LPCAT2: variants seen among roughly 807,000 people sequenced by gnomAD.
The protein encoded by LPCAT2 is lysophosphatidylcholine acyltransferase 2.
In LPCAT2, 58 loss-of-function variants were observed where a neutral mutation model predicts 64.7. That is an observed-to-expected ratio of 0.90 (90% CI 0.73 to 1.12). LPCAT2 has a LOEUF of 1.12. Ranked by LOEUF, LPCAT2 falls within the 50% of genes most tolerant of loss-of-function variation. The pLI is 0.00. For synonymous variants in LPCAT2, 252 were observed against 245.3 expected, an observed-to-expected ratio of 1.03 and a Z score of -0.26; for missense variants, 579 against 669.8, an observed-to-expected ratio of 0.86 and a Z score of 1.50.
At chr16:55,519,176 G>A (rs1555495097) in intron 1 of LPCAT2, among the ~76,000 whole-genome samples, 1 of 152,052 alleles carries the variant, frequency 6.6e-6, no homozygotes, top group Non-Finnish European at 1.5e-5. Context: ...GATAAGAATG[G>A]AGGGAATTTG....
At position 55,531,948 on chromosome 16, in the gene LPCAT2, G is replaced by A. The variant is rs554645601; in HGVS notation, c.677G>A (p.Arg226His). The A allele has an allele frequency of 1.2e-5, 19 of 1,589,740 alleles. No homozygotes were observed. The highest frequency in any genetic ancestry group is 6.7e-5 in the African/African-American group (5 of 74,460). Residue 226 changes from arginine to histidine, a missense_variant, in exon 5 of 14, where the codon CGT becomes CAT. By Grantham distance (29) the Arg-to-His change is conservative. Transcript: ENST00000262134. ...TTCCCAGAAGGTACTTGTACTAATC[G>A]TTCCTGTTTGATTACTTTTAAACCA... ...LVFPEGTCTNRSCLITFKPGA... is the reference protein window; with the variant it reads ...LVFPEGTCTNHSCLITFKPGA...
intron 1 of LPCAT2, among the ~76,000 whole-genome samples, chr16:55,518,722 C>T (rs1426604188): frequency 6.6e-6 from 1 of 152,162 alleles, no homozygotes; most frequent in African/African-American, 2.4e-5. Context: ...ATTGGATTGA[C>T]ATGTGCAGGA....
chr16:55,545,925 C>T, intron 9 of LPCAT2, 108 bp downstream of exon 9: 1 of 713,342 alleles, frequency 1.4e-6, no homozygotes, highest in Non-Finnish European at 2.4e-6. Context: ...GCCTCGTTCC[C>T]CAATTCATTT....
chr16:55,550,756 A>C (rs8055017), intron 10 of LPCAT2, among the ~76,000 whole-genome samples, 193 bp from the exon 11 acceptor site: 10,494 of 152,266 alleles, frequency 0.069, 484 homozygotes, highest in African/African-American at 0.12. Flanking sequence ...TCTCCTAAAA[A>C]ATACAAAATA....
At chr16:55,551,191 G>A (rs1434032435) in intron 11 of LPCAT2, 89 bp downstream of exon 11, 5 of 1,237,152 alleles carry the variant, frequency 4.0e-6, no homozygotes, top group East Asian at 4.8e-5. Context: ...AAACTTGATA[G>A]GTCAGTGTTA....
intron 8 of LPCAT2, chr16:55,541,890 C>T: frequency 7.8e-7 from 1 of 1,287,286 alleles, no homozygotes; most frequent in Non-Finnish European, 1.0e-6. Flanking sequence ...AAAATATCTT[C>T]CTTCTTTTGC....
At chr16:55,518,882 G>A (rs567046508) in intron 1 of LPCAT2, among the ~76,000 whole-genome samples, 72 of 151,682 alleles carry the variant, frequency 4.7e-4, no homozygotes, top group African/African-American at 1.7e-3. Flanking sequence ...TGGTTTTCTA[G>A]ACATACAACG....
chr16:55,566,710 A>C, intron 11 of LPCAT2: 2 of 1,547,940 alleles, frequency 1.3e-6, no homozygotes, highest in Non-Finnish European at 1.7e-6. Context: ...ATCTTTTTTC[A>C]TACCATCTCT....
chr16:55,550,914 T>C, intron 10 of LPCAT2, 35 bp from the exon 11 acceptor site: 2 of 1,502,082 alleles, frequency 1.3e-6, no homozygotes, highest in Non-Finnish European at 1.8e-6. Flanking sequence ...TGTAAAGGGC[T>C]AATAACATGT....
intron 1 of LPCAT2, among the ~76,000 whole-genome samples, chr16:55,523,181 A>G (rs1963122178): frequency 6.6e-6 from 1 of 151,796 alleles, no homozygotes; most frequent in Admixed American, 6.6e-5. Context: ...AGGAATGACC[A>G]ATAAGTATAT....
intron 2 of LPCAT2, among the ~76,000 whole-genome samples, chr16:55,526,920 C>T (rs2142398639): frequency 6.6e-6 from 1 of 152,256 alleles, no homozygotes; most frequent in Middle Eastern, 3.4e-3. Flanking sequence ...ATTCTTTAAA[C>T]ATGTTAAATA....
At position 55,585,053 on chromosome 16, in the gene LPCAT2, AAGTG is replaced by A. The variant is rs1963929708; in HGVS notation, c.*1957_*1960del. The A allele has an allele frequency of 6.6e-6, 1 of 152,170 alleles. No individual in the cohort carries two copies. Among genetic ancestry groups the A allele is most frequent in the South Asian group, 2.1e-4 (1 of 4,830 alleles). The allele number at this position is 152,170 out of a possible 1,614,324, so 9.4% of individuals were successfully genotyped here. On this transcript the variant is annotated 3_prime_UTR_variant, in exon 14 of 14. Transcript: ENST00000262134. ...TAAAGGTTTTCTTTGAGGCTCTTGA[AAGTG>A]ATCCCATTGCTTTCCTGTTTTAAAA...
At chr16:55,512,419 T>G (rs1021052968) in intron 1 of LPCAT2, among the ~76,000 whole-genome samples, 1 of 152,122 alleles carries the variant, frequency 6.6e-6, no homozygotes, top group Non-Finnish European at 1.5e-5. Flanking sequence ...TTCTATACTG[T>G]GTAACATTAC....
At chr16:55,560,898 G>C (rs1963628843) in intron 11 of LPCAT2, among the ~76,000 whole-genome samples, 2 of 151,934 alleles carry the variant, frequency 1.3e-5, no homozygotes, top group South Asian at 4.2e-4. Flanking sequence ...AAGTTGTGCA[G>C]TCATCAACTT....
intron 1 of LPCAT2, among the ~76,000 whole-genome samples, chr16:55,518,598 T>A (rs1457207843): frequency 3.9e-5 from 6 of 152,136 alleles, no homozygotes; most frequent in African/African-American, 1.2e-4. Flanking sequence ...ATCAATGAAA[T>A]AGAATTGACA....
chr16:55,556,296 G>A (rs796154457), intron 11 of LPCAT2, among the ~76,000 whole-genome samples: 4 of 152,260 alleles, frequency 2.6e-5, no homozygotes, highest in African/African-American at 9.6e-5. Flanking sequence ...AATATGGCAG[G>A]GATGTACAAA....
At chr16:55,516,593 A>T (rs908445712) in intron 1 of LPCAT2, among the ~76,000 whole-genome samples, 3 of 152,228 alleles carry the variant, frequency 2.0e-5, no homozygotes, top group African/African-American at 7.2e-5. Context: ...ATTCATTAAG[A>T]TGTAATAATT....
chr16:55,578,815 C>T (rs1963857436), intron 12 of LPCAT2, among the ~76,000 whole-genome samples: 1 of 152,182 alleles, frequency 6.6e-6, no homozygotes, highest in African/African-American at 2.4e-5. Flanking sequence ...ACTCAAATGT[C>T]AACTCCTATG....
At position 55,525,641 on chromosome 16, in the gene LPCAT2, G is replaced by T. The variant is rs1243003335; in HGVS notation, c.305G>T (p.Trp102Leu). 2 of 1,595,610 alleles carry T rather than the reference G, an allele frequency of 1.3e-6. No individual in the cohort carries two copies. The highest frequency in any genetic ancestry group is 1.7e-4 in the Middle Eastern group (1 of 5,984). The change falls in exon 2 of 14, where the codon TGG becomes TTG. Residue 102 changes from tryptophan (W) to leucine (L), a missense_variant. Physicochemically the swap from Trp to Leu is moderately conservative, Grantham distance 61. Transcript: ENST00000262134. ...PEKLTHPITG[W>L]RRKITQTALK... Reference sequence around the variant, plus strand: ...AAGCTGACCCACCCAATAACTGGTTGGAGGAGGTAAGAAATAATTTTGTCC... The same window carrying T: ...AAGCTGACCCACCCAATAACTGGTTTGAGGAGGTAAGAAATAATTTTGTCC...
Sources: allele counts gnomAD v4.1 joint callset (sites outside exome capture counted in the v4.1 genomes callset), GRCh38; gene constraint gnomAD v4.1.1; transcripts MANE v1.5; gene names NCBI Gene and HGNC (gene_info 2026-07-23, HGNC 2026-07-21).